The following PTPRT variants were observed in gnomAD, a reference collection of about 807,000 sequenced individuals.
The protein encoded by PTPRT is receptor-type tyrosine-protein phosphatase T.
PTPRT carries 56 observed loss-of-function variants against 176.8 expected under a neutral mutation model. The observed-to-expected ratio is 0.32, with a 90% CI of 0.26 to 0.40. PTPRT has a LOEUF of 0.40. PTPRT is among the 10% of genes least tolerant of loss of function. The probability of loss-of-function intolerance (pLI) is 1.00; values close to 1 mark genes in which losing one functional copy is unlikely to be tolerated. For missense variants in PTPRT, 1,540 were observed against 1,908.2 expected, an observed-to-expected ratio of 0.81 and a Z score of 3.60; for synonymous variants, 783 against 739.0, an observed-to-expected ratio of 1.06 and a Z score of -0.96.
intron 7 of PTPRT, among the ~76,000 whole-genome samples, chr20:42,540,233 T>C (rs2072553863): frequency 6.6e-6 from 1 of 152,124 alleles, no homozygotes. Context: ...TGCTGGGATG[T>C]AATAGAACAG....
At chr20:42,283,506 G>A (rs564890241) in intron 12 of PTPRT, among the ~76,000 whole-genome samples, 1 of 152,158 alleles carries the variant, frequency 6.6e-6, no homozygotes, top group African/African-American at 2.4e-5. Context: ...GAACTTCAGT[G>A]GCTAAAAACA....
intron 1 of PTPRT, among the ~76,000 whole-genome samples, chr20:43,172,448 G>A (rs7273935): frequency 0.097 from 14,727 of 152,214 alleles, 1,145 homozygotes; most frequent in East Asian, 0.35. Flanking sequence ...TAGAGTGACC[G>A]ACTCATCCTG....
intron 1 of PTPRT, among the ~76,000 whole-genome samples, chr20:43,137,401 T>A (rs528739097): frequency 6.6e-6 from 1 of 152,348 alleles, no homozygotes; most frequent in Admixed American, 6.5e-5. Context: ...TGTGGCTATT[T>A]GGGGCTATAA....
intron 9 of PTPRT, among the ~76,000 whole-genome samples, chr20:42,354,686 G>A (rs2058333774): frequency 6.6e-6 from 1 of 152,188 alleles, no homozygotes. Flanking sequence ...ATACACAGCT[G>A]ACATCACTTA....
chr20:42,312,700 T>A (rs1340126259), intron 12 of PTPRT, among the ~76,000 whole-genome samples: 4 of 152,020 alleles, frequency 2.6e-5, no homozygotes, highest in Non-Finnish European at 4.4e-5. Context: ...AGAGTACATA[T>A]GCATGGTGTG....
At chr20:42,717,760 G>A (rs1166345046) in intron 6 of PTPRT, among the ~76,000 whole-genome samples, 1 of 152,036 alleles carries the variant, frequency 6.6e-6, no homozygotes, top group African/African-American at 2.4e-5. Flanking sequence ...TGTATACAAG[G>A]ACTCAGATCT....
intron 13 of PTPRT, among the ~76,000 whole-genome samples, chr20:42,270,604 C>G (rs1451943086): frequency 6.6e-6 from 1 of 152,090 alleles, no homozygotes; most frequent in African/African-American, 2.4e-5. Context: ...CATGATTTAA[C>G]AAAACAGGGC....
At chr20:42,694,271 C>T (rs2075838009) in intron 6 of PTPRT, among the ~76,000 whole-genome samples, 1 of 152,092 alleles carries the variant, frequency 6.6e-6, no homozygotes. Context: ...ATCTCCTGAC[C>T]TCGTGATCCA....
chr20:42,144,501 A>G (rs958006564), intron 17 of PTPRT, among the ~76,000 whole-genome samples: 2 of 152,166 alleles, frequency 1.3e-5, no homozygotes, highest in Admixed American at 1.3e-4. Context: ...AACCACCGAT[A>G]AGACAGACAA....
At chr20:42,044,263 C>T in the PTPRT span, among the ~76,000 whole-genome samples, 36 of 152,224 alleles carry the variant, frequency 2.4e-4, no homozygotes, top group Admixed American at 2.0e-3. Context: ...ATGCCAGCCA[C>T]GCAGTGCCTT....
chr20:42,573,619 C>T (rs1251152204), intron 7 of PTPRT, among the ~76,000 whole-genome samples: 1 of 152,126 alleles, frequency 6.6e-6, no homozygotes, highest in Non-Finnish European at 1.5e-5. Flanking sequence ...TGCCTCCCTA[C>T]TTTCCCTCCT....
the PTPRT span, among the ~76,000 whole-genome samples, chr20:42,051,178 A>G: frequency 6.6e-6 from 1 of 152,188 alleles, no homozygotes; most frequent in Admixed American, 6.5e-5. Context: ...TGGCCAGAGG[A>G]CCAAAAGTGG....
chr20:43,110,406 C>A (rs1203615576), intron 1 of PTPRT, among the ~76,000 whole-genome samples: 1 of 152,154 alleles, frequency 6.6e-6, no homozygotes, highest in Non-Finnish European at 1.5e-5. Context: ...ACAAATTAAC[C>A]ATATCCAAAT....
Position 42,638,322 on chromosome 20 carries a change from G to A in PTPRT, c.1153+39544C>T, listed in dbSNP as rs984132246. On this transcript the variant is annotated intron_variant, in intron 7 of 30. Transcript: ENST00000373187. The stretch of plus-strand genomic sequence containing the variant: ...TCTTACTTCAGGATGTCCATTTAGC[G>A]GGGCTGAACATCTACTTTGCCCTGC... Among the ~76,000 whole-genome samples, 6 of 152,060 alleles carry A rather than the reference G, an allele frequency of 3.9e-5. No homozygotes were observed. In the East Asian group the frequency reaches 7.7e-4, roughly 20 times the overall value.
chr20:42,335,437 TA>T (rs5841458), intron 11 of PTPRT, among the ~76,000 whole-genome samples: 39,507 of 151,622 alleles, frequency 0.26, 5,380 homozygotes, highest in African/African-American at 0.32. Flanking sequence ...AGCAGTGAAT[TA>T]AAAAAAATGA....
intron 1 of PTPRT, among the ~76,000 whole-genome samples, chr20:42,986,349 C>T (rs1476680170): frequency 6.6e-6 from 1 of 152,182 alleles, no homozygotes; most frequent in Non-Finnish European, 1.5e-5. Context: ...CCAAAGCAAA[C>T]CAGCTTCCTG....
At chr20:42,257,579 C>G (rs1484150223) in intron 13 of PTPRT, among the ~76,000 whole-genome samples, 1 of 149,240 alleles carries the variant, frequency 6.7e-6, no homozygotes, top group African/African-American at 2.5e-5. Context: ...TTGGTACTGT[C>G]CTCATGACAG....
intron 1 of PTPRT, among the ~76,000 whole-genome samples, chr20:42,952,240 A>C (rs569639651): frequency 6.6e-6 from 1 of 152,322 alleles, no homozygotes; most frequent in Admixed American, 6.5e-5. Context: ...ACCACTTCAG[A>C]AGCCTGGGCC....
intron 2 of PTPRT, among the ~76,000 whole-genome samples, chr20:42,805,008 A>T (rs968352897): frequency 1.3e-4 from 20 of 152,072 alleles, no homozygotes; most frequent in African/African-American, 4.6e-4. Context: ...ACAGAATTTA[A>T]CTCCTAATAA....
Sources: gnomAD v4.1 joint callset for allele counts (sites outside exome capture counted in the v4.1 genomes callset) on GRCh38, gnomAD v4.1.1 for gene constraint, MANE v1.5 for transcripts, NCBI Gene and HGNC (gene_info 2026-07-23, HGNC 2026-07-21) for gene names.